The following LRRIQ3 variants were observed in gnomAD, a reference collection of about 807,000 sequenced individuals.
LRRIQ3 encodes leucine-rich repeat and IQ domain-containing protein 3.
LRRIQ3 carries 75 observed loss-of-function variants against 59.3 expected under a neutral mutation model. The ratio of observed to expected loss-of-function variants is 1.26; its 90% CI spans 1.05 to 1.53. The LOEUF (loss-of-function observed/expected upper bound fraction) is 1.53, where lower values mean the gene tolerates loss of function less well. Ranked by LOEUF, LRRIQ3 falls within the 40% of genes most tolerant of loss-of-function variation. The pLI is 0.00. For missense variants in LRRIQ3, 831 were observed against 710.0 expected (o/e 1.17, Z -1.94); for synonymous variants, 250 against 231.3 (o/e 1.08, Z -0.73).
chr1:74,055,570 T>A (rs548872785), intron 6 of LRRIQ3, among the ~76,000 whole-genome samples: 72 of 152,312 alleles, frequency 4.7e-4, no homozygotes, highest in Middle Eastern at 6.8e-3. Flanking sequence ...ACATATTCAT[T>A]ATATGCCCAG....
At chr1:74,119,150 TTA>T (rs1646817273) in intron 4 of LRRIQ3, among the ~76,000 whole-genome samples, 4 of 151,550 alleles carry the variant, frequency 2.6e-5, no homozygotes, top group Non-Finnish European at 4.4e-5. Context: ...ATTTTATTTT[TTA>T]AAATGGTGAT....
chr1:74,050,392 C>A (rs1029049445), intron 6 of LRRIQ3: 2 of 322,058 alleles, frequency 6.2e-6, no homozygotes, highest in East Asian at 3.4e-4. Context: ...TATATTTATA[C>A]CTTATATGTA....
chr1:74,152,230 CAGA>C (rs1420936299), intron 4 of LRRIQ3, among the ~76,000 whole-genome samples: 2 of 150,680 alleles, frequency 1.3e-5, no homozygotes, highest in African/African-American at 4.9e-5. Context: ...AAGACTAAAC[CAGA>C]AGGATTATAA....
chr1:74,072,363 T>A (rs1032095867), intron 6 of LRRIQ3, among the ~76,000 whole-genome samples: 1 of 152,002 alleles, frequency 6.6e-6, no homozygotes. Context: ...ATTTTAGAGG[T>A]AGTATAAAAT....
At chr1:74,112,203 A>AT (rs1646705905) in intron 4 of LRRIQ3, among the ~76,000 whole-genome samples, 1 of 152,120 alleles carries the variant, frequency 6.6e-6, no homozygotes, top group Non-Finnish European at 1.5e-5. Context: ...TGGCACAGTG[A>AT]TTTTGCCTAA....
At chr1:74,087,381 C>CTTTTTTTTTTTTTTTTTTTTTTT (rs57068994) in intron 5 of LRRIQ3, among the ~76,000 whole-genome samples, 5 of 59,006 alleles carry the variant, frequency 8.5e-5, no homozygotes, top group East Asian at 6.5e-4. Context: ...AAAATTTTAT[C>CTTTTTTTTTTTTTTTTTTTTTTT]TTTTTTTTTT....
Position 74,074,675 on chromosome 1 carries a change from T to G in LRRIQ3, c.983A>C (p.His328Pro). 1 of 1,362,516 alleles carries G rather than the reference T, an allele frequency of 7.3e-7. No homozygotes were observed. The highest frequency in any genetic ancestry group is 9.7e-7 in the Non-Finnish European group (1 of 1,030,038). 84.4% of individuals were successfully genotyped at this position (1,362,516 alleles called of 1,614,324 possible). A position where few individuals can be genotyped will look rare whatever the true frequency, so the allele number is the denominator to read the frequency against. Residue 328 changes from histidine (H) to proline (P), a missense_variant, in exon 6 of 8, where the codon CAT (histidine) becomes CCT (proline). His to Pro is a moderately conservative substitution (Grantham distance 77). Coordinates refer to ENST00000354431, the MANE Select transcript of LRRIQ3 (RefSeq NM_001105659.2). ...ATATAACTAACCTTTTTGAATGAGATGTCTTGATGTTTTTGATTTCATGCC... is the reference window on the plus strand; with the variant it reads ...ATATAACTAACCTTTTTGAATGAGAGGTCTTGATGTTTTTGATTTCATGCC... ...DLGMKSKTSR[H>P]LIQKGQESED...
chr1:74,033,607 G>A (rs964028696), intron 7 of LRRIQ3, among the ~76,000 whole-genome samples: 12 of 151,934 alleles, frequency 7.9e-5, no homozygotes, highest in Non-Finnish European at 1.3e-4. Context: ...ATTAACGTCC[G>A]GTAGGATAAA....
chr1:74,040,129 A>G (rs1278432071), intron 7 of LRRIQ3, among the ~76,000 whole-genome samples: 2 of 152,046 alleles, frequency 1.3e-5, no homozygotes, highest in Admixed American at 1.3e-4. Flanking sequence ...AAAAACAAGC[A>G]AGGGTTGCAA....
intron 4 of LRRIQ3, among the ~76,000 whole-genome samples, chr1:74,128,930 C>T (rs900981672): frequency 3.9e-5 from 6 of 152,122 alleles, no homozygotes; most frequent in African/African-American, 4.8e-5. Flanking sequence ...AAAGCAAAAA[C>T]GCTTGTTCTC....
chr1:74,160,471 T>C (rs1276274075), intron 3 of LRRIQ3, among the ~76,000 whole-genome samples: 1 of 152,130 alleles, frequency 6.6e-6, no homozygotes, highest in Non-Finnish European at 1.5e-5. Flanking sequence ...TCACAGAATT[T>C]TTCCCAGTAC....
chr1:74,080,322 T>C (rs1240134703), intron 5 of LRRIQ3, among the ~76,000 whole-genome samples: 1 of 151,722 alleles, frequency 6.6e-6, no homozygotes, highest in Non-Finnish European at 1.5e-5. Context: ...CAGAGCATTA[T>C]TGAAAATTGG....
chr1:74,071,875 A>G (rs1359825507), intron 6 of LRRIQ3, among the ~76,000 whole-genome samples: 1 of 152,080 alleles, frequency 6.6e-6, no homozygotes, highest in Non-Finnish European at 1.5e-5. Context: ...TAGTGTATTT[A>G]TCTAATAAAT....
chr1:74,060,243 TTCTTCTTCTTCTTCC>T (rs1557597751), intron 6 of LRRIQ3, among the ~76,000 whole-genome samples: 549 of 115,742 alleles, frequency 4.7e-3, no homozygotes, highest in African/African-American at 0.015. Flanking sequence ...CTTCTTCTTC[TTCTTCTTCTTCTTCC>T]TCTTCCTCTT....
At chr1:74,179,246 G>C (rs569608440) in intron 3 of LRRIQ3, among the ~76,000 whole-genome samples, 24 of 151,796 alleles carry the variant, frequency 1.6e-4, no homozygotes, top group Admixed American at 3.9e-4. Flanking sequence ...CTTTGATTTC[G>C]TATAGCAAAG....
At chr1:74,148,059 A>G (rs1647688578) in intron 4 of LRRIQ3, among the ~76,000 whole-genome samples, 1 of 152,092 alleles carries the variant, frequency 6.6e-6, no homozygotes, top group Non-Finnish European at 1.5e-5. Context: ...GCCATTTCAA[A>G]TATATTTTTT....
At chr1:74,038,429 C>G (rs894825415) in intron 7 of LRRIQ3, among the ~76,000 whole-genome samples, 3 of 152,300 alleles carry the variant, frequency 2.0e-5, no homozygotes, top group African/African-American at 7.2e-5. Context: ...GGGTTTCCCC[C>G]CCAGCAAAAC....
At chr1:74,130,235 T>G (rs1646992897) in intron 4 of LRRIQ3, among the ~76,000 whole-genome samples, 1 of 152,084 alleles carries the variant, frequency 6.6e-6, no homozygotes, top group Admixed American at 6.6e-5. Context: ...CCCAGAGCAC[T>G]TTAGCCCCGG....
intron 4 of LRRIQ3, among the ~76,000 whole-genome samples, chr1:74,118,256 G>T (rs1443534766): frequency 6.6e-6 from 1 of 151,906 alleles, no homozygotes; most frequent in Non-Finnish European, 1.5e-5. Context: ...CCATACATTT[G>T]GTTCCACATT....
Sources: allele counts gnomAD v4.1 joint callset (sites outside exome capture counted in the v4.1 genomes callset), GRCh38; gene constraint gnomAD v4.1.1; transcripts MANE v1.5; gene names NCBI Gene and HGNC (gene_info 2026-07-23, HGNC 2026-07-21).